The following ATP8A2 variants were observed in gnomAD, a reference collection of about 807,000 sequenced individuals.
The protein encoded by ATP8A2 is ATPase phospholipid transporting 8A2, also known as phospholipid-transporting ATPase IB.
ATP8A2 carries 100 observed loss-of-function variants against 165.6 expected under a neutral mutation model. That is an observed-to-expected ratio of 0.60 (90% CI 0.51 to 0.71). The LOEUF (loss-of-function observed/expected upper bound fraction) is 0.71, where lower values mean the gene tolerates loss of function less well. Among genes scored for constraint, ATP8A2 ranks in the 30% least tolerant of loss-of-function variants. The pLI is 0.00. For missense variants in ATP8A2, 1,227 were observed against 1,479.5 expected (o/e 0.83, Z 2.80); for synonymous variants, 543 against 548.8 (o/e 0.99, Z 0.15).
intron 24 of ATP8A2, among the ~76,000 whole-genome samples, chr13:25,599,398 CTCT>C (rs756601686): frequency 3.9e-5 from 6 of 152,202 alleles, no homozygotes; most frequent in Non-Finnish European, 7.3e-5. Flanking sequence ...TCATGAACTT[CTCT>C]TCTTCTGAGG....
intron 30 of ATP8A2, among the ~76,000 whole-genome samples, chr13:25,842,636 C>A (rs1951770112): frequency 6.7e-6 from 1 of 149,366 alleles, no homozygotes; most frequent in African/African-American, 2.5e-5. Context: ...CGTGCCACTG[C>A]ACTCCAGCCT....
chr13:25,811,576 C>T (rs944658357), intron 27 of ATP8A2, among the ~76,000 whole-genome samples: 4 of 152,090 alleles, frequency 2.6e-5, no homozygotes, highest in African/African-American at 4.8e-5. Context: ...TAGGGCAAGG[C>T]GCAATGGCTC....
At chr13:25,937,805 CAA>C (rs1323851579) in intron 33 of ATP8A2, among the ~76,000 whole-genome samples, 27 of 129,216 alleles carry the variant, frequency 2.1e-4, no homozygotes, top group Non-Finnish European at 3.6e-4. Context: ...GCCGAGATGG[CAA>C]CACTGCACTC....
chr13:25,668,217 G>T (rs1018995680), intron 24 of ATP8A2, among the ~76,000 whole-genome samples: 2 of 152,112 alleles, frequency 1.3e-5, no homozygotes, highest in Non-Finnish European at 2.9e-5. Context: ...ATGTCTTATA[G>T]GGCAGGCCTA....
chr13:25,990,431 G>A (rs1956367518), intron 35 of ATP8A2, among the ~76,000 whole-genome samples: 1 of 152,140 alleles, frequency 6.6e-6, no homozygotes. Context: ...AGCTGGTCTG[G>A]GAAGTCTGGT....
At chr13:25,599,940 C>A (rs1272071750) in intron 24 of ATP8A2, among the ~76,000 whole-genome samples, 1 of 152,168 alleles carries the variant, frequency 6.6e-6, no homozygotes, top group Non-Finnish European at 1.5e-5. Flanking sequence ...ACTTCTGATA[C>A]CAACTATAGG....
chr13:25,483,657 T>G (rs1173457610), intron 2 of ATP8A2, among the ~76,000 whole-genome samples: 1 of 152,138 alleles, frequency 6.6e-6, no homozygotes, highest in Non-Finnish European at 1.5e-5. Flanking sequence ...TCCCAGCACT[T>G]TGGGAGGCCA....
chr13:25,676,744 T>C lies in ATP8A2; in HGVS notation c.2212-22429T>C, dbSNP rs141714578. On this transcript the variant is annotated intron_variant, in intron 24 of 36. Coordinates refer to ENST00000381655, the MANE Select transcript of ATP8A2 (RefSeq NM_016529.6). ...TTTTGTGTTTGACTTGATGAAAGTA[T>C]ACATGTATACTTGTATACATGTTGT... is the stretch of plus-strand genomic sequence containing the variant. 2.3e-3 allele frequency among the ~76,000 whole-genome samples: 351 copies of C among 152,308 alleles called. 4 individuals are homozygous for C. Among genetic ancestry groups the C allele is most frequent in the African/African-American group, 7.7e-3 (322 of 41,564 alleles).
At chr13:25,868,051 CT>C (rs1952564717) in intron 33 of ATP8A2, 20 of 450,808 alleles carry the variant, frequency 4.4e-5, no homozygotes, top group Middle Eastern at 3.3e-4. Flanking sequence ...TTCCTGTGTG[CT>C]GCCCGGCCTT....
intron 27 of ATP8A2, among the ~76,000 whole-genome samples, chr13:25,798,747 A>T (rs2138442354): frequency 6.6e-6 from 1 of 152,288 alleles, no homozygotes; most frequent in Middle Eastern, 3.4e-3. Context: ...TGTACTTCAG[A>T]GTCATAATTA....
chr13:25,964,128 G>A (rs1322507582), intron 34 of ATP8A2, among the ~76,000 whole-genome samples: 2 of 152,204 alleles, frequency 1.3e-5, no homozygotes, highest in Admixed American at 6.5e-5. Context: ...TTTCCGGGGA[G>A]CCAACAGCAT....
intron 1 of ATP8A2, among the ~76,000 whole-genome samples, chr13:25,457,542 C>A (rs1166799498): frequency 6.6e-6 from 1 of 152,162 alleles, no homozygotes; most frequent in Admixed American, 6.5e-5. Flanking sequence ...GCATGCTCCT[C>A]ATATGATTGT....
chr13:25,407,519 G>A (rs566410588), intron 1 of ATP8A2, among the ~76,000 whole-genome samples: 1 of 152,320 alleles, frequency 6.6e-6, no homozygotes, highest in South Asian at 2.1e-4. Context: ...AGTGAAGTCA[G>A]TAAAGAGTAA....
chr13:25,495,174 C>CA (rs1372444082), intron 2 of ATP8A2, among the ~76,000 whole-genome samples: 5 of 152,156 alleles, frequency 3.3e-5, no homozygotes, highest in African/African-American at 1.2e-4. Flanking sequence ...GCTGCCCTTC[C>CA]AGGGTGGGGC....
At chr13:25,931,312 C>T (rs1030130588) in intron 33 of ATP8A2, among the ~76,000 whole-genome samples, 1 of 152,236 alleles carries the variant, frequency 6.6e-6, no homozygotes, top group African/African-American at 2.4e-5. Context: ...TGGGTCCTAT[C>T]TCCAGGATAC....
chr13:25,947,011 G>C (rs905084581), intron 33 of ATP8A2, among the ~76,000 whole-genome samples: 2 of 152,200 alleles, frequency 1.3e-5, no homozygotes, highest in Admixed American at 6.5e-5. Context: ...GCCTCCTAGA[G>C]TGCTGGGATT....
intron 1 of ATP8A2, among the ~76,000 whole-genome samples, chr13:25,448,029 G>A (rs2035115345): frequency 6.6e-6 from 1 of 152,090 alleles, no homozygotes; most frequent in Admixed American, 6.5e-5. Flanking sequence ...GGACTTTATG[G>A]GCACAGGATG....
At chr13:25,756,979 C>G (rs1169898172) in intron 25 of ATP8A2, among the ~76,000 whole-genome samples, 2 of 152,198 alleles carry the variant, frequency 1.3e-5, no homozygotes, top group African/African-American at 4.8e-5. Flanking sequence ...CCCTTGAATC[C>G]TGCTCGCTCA....
intron 24 of ATP8A2, among the ~76,000 whole-genome samples, chr13:25,619,830 T>C (rs2040924517): frequency 6.6e-6 from 1 of 152,246 alleles, no homozygotes; most frequent in East Asian, 1.9e-4. Context: ...GCATAGCCTT[T>C]CCTATTTTAA....
Sources: gnomAD v4.1 joint callset for allele counts (sites outside exome capture counted in the v4.1 genomes callset) on GRCh38, gnomAD v4.1.1 for gene constraint, MANE v1.5 for transcripts, NCBI Gene and HGNC (gene_info 2026-07-23, HGNC 2026-07-21) for gene names.